The following SLIT3 variants were observed in gnomAD, a reference collection of about 807,000 sequenced individuals.
SLIT3 encodes the protein slit homolog 3 protein.
A neutral mutation model predicts 184.0 loss-of-function variants in SLIT3; 68 were observed. That is an observed-to-expected ratio of 0.37 (90% CI 0.30 to 0.45). The LOEUF (loss-of-function observed/expected upper bound fraction) is 0.45, where lower values mean the gene tolerates loss of function less well. SLIT3 is among the 20% of genes least tolerant of loss of function. SLIT3 has a pLI of 1.00. For missense variants in SLIT3, 1,707 were observed against 2,026.0 expected, an observed-to-expected ratio of 0.84 and a Z score of 3.02; for synonymous variants, 831 against 828.6, an observed-to-expected ratio of 1.00 and a Z score of -0.05.
Position 168,932,590 on chromosome 5 carries a change from C to T in SLIT3, c.414-49254G>A, listed in dbSNP as rs183748997. ...GGTAGATAGTATAGATAAGCGACTG[C>T]CCAGGGACACCCCGTGGGGCAGCCT... is the stretch of plus-strand genomic sequence containing the variant. On this transcript the variant is annotated intron_variant, in intron 4 of 35. Transcript: ENST00000519560. Among the ~76,000 whole-genome samples, 673 of 152,240 alleles carry T rather than the reference C, an allele frequency of 4.4e-3. 3 individuals are homozygous for T. Among genetic ancestry groups the T allele is most frequent in the African/African-American group, 0.015 (636 of 41,532 alleles).
chr5:168,687,606 A>G (rs1761786014), intron 29 of SLIT3, among the ~76,000 whole-genome samples: 1 of 152,228 alleles, frequency 6.6e-6, no homozygotes, highest in Non-Finnish European at 1.5e-5. Flanking sequence ...CTTGCGTGTC[A>G]TAAACTGTTC....
chr5:168,762,444 A>C (rs980775157), intron 15 of SLIT3, 95 bp downstream of exon 15: 31 of 1,359,568 alleles, frequency 2.3e-5, no homozygotes, highest in Non-Finnish European at 3.1e-5. Flanking sequence ...TGACTGAGCC[A>C]GGAAGGGGTC....
At chr5:168,894,339 T>C (rs1760579183) in intron 4 of SLIT3, among the ~76,000 whole-genome samples, 1 of 152,230 alleles carries the variant, frequency 6.6e-6, no homozygotes, top group Non-Finnish European at 1.5e-5. Context: ...TGAGGCCTGA[T>C]GCATAGCTTT....
chr5:169,161,744 G>A (rs1762486378), intron 4 of SLIT3, among the ~76,000 whole-genome samples: 2 of 151,938 alleles, frequency 1.3e-5, no homozygotes, highest in African/African-American at 4.8e-5. Context: ...GTGTAACCTG[G>A]GAATGGGGAA....
chr5:168,784,345 C>T (rs972839658), intron 12 of SLIT3, among the ~76,000 whole-genome samples: 1 of 152,162 alleles, frequency 6.6e-6, no homozygotes, highest in Admixed American at 6.5e-5. Flanking sequence ...CCTTAAAAGC[C>T]CACCAAAGGC....
At chr5:168,713,700 TCAGCTGA>T (rs1460735684) in intron 23 of SLIT3, among the ~76,000 whole-genome samples, 1 of 152,236 alleles carries the variant, frequency 6.6e-6, no homozygotes, top group Non-Finnish European at 1.5e-5. Context: ...CCCTTGGTCT[TCAGCTGA>T]CAGAGACATG....
intron 10 of SLIT3, chr5:168,790,269 T>C (rs1295283563): frequency 6.6e-6 from 1 of 152,416 alleles, no homozygotes; most frequent in Admixed American, 6.5e-5. Context: ...GGCAGTGTGT[T>C]CCTCATCTGG....
chr5:169,209,385 C>G (rs941364975), intron 3 of SLIT3, among the ~76,000 whole-genome samples: 1 of 152,282 alleles, frequency 6.6e-6, no homozygotes, highest in Non-Finnish European at 1.5e-5. Flanking sequence ...TTGTGGAAGA[C>G]AATGTGGCGA....
intron 4 of SLIT3, among the ~76,000 whole-genome samples, chr5:169,146,006 G>A (rs1214207091): frequency 2.0e-5 from 3 of 152,048 alleles, no homozygotes; most frequent in Admixed American, 6.5e-5. Flanking sequence ...AGCCGAGATC[G>A]CACCACTCCA....
In SLIT3 at chr5:168,678,974, T is replaced by C. The variant is rs370434843; in HGVS notation, c.3686+4992A>G. Reference sequence around the variant, plus strand: ...AAGTGGGAGGTGGAGAGCTCTGGAGTTGTCAGGGTGGGGCTGGACGCATCC... The same window carrying C: ...AAGTGGGAGGTGGAGAGCTCTGGAGCTGTCAGGGTGGGGCTGGACGCATCC... On this transcript the variant is annotated intron_variant, in intron 32 of 35. Coordinates refer to ENST00000519560, the MANE Select transcript of SLIT3 (RefSeq NM_003062.4). Among the ~76,000 whole-genome samples the C allele has an allele frequency of 3.5e-3, 526 of 152,200 alleles. 4 individuals are homozygous for C. Among genetic ancestry groups the C allele is most frequent in the African/African-American group, 0.012 (488 of 41,546 alleles).
chr5:169,179,165 T>C (rs1369819149), intron 4 of SLIT3, among the ~76,000 whole-genome samples: 1 of 152,120 alleles, frequency 6.6e-6, no homozygotes, highest in East Asian at 1.9e-4. Flanking sequence ...TCTGGACTAA[T>C]TCACCAGAGG....
At chr5:168,709,831 G>GTT (rs552127988) in intron 25 of SLIT3, among the ~76,000 whole-genome samples, 9 of 145,400 alleles carry the variant, frequency 6.2e-5, no homozygotes, top group African/African-American at 2.2e-4. Flanking sequence ...AATAAAAGGA[G>GTT]TTTTTTTTTT....
chr5:168,905,046 G>A (rs1488181704), intron 4 of SLIT3, among the ~76,000 whole-genome samples: 6 of 151,984 alleles, frequency 3.9e-5, no homozygotes, highest in South Asian at 2.1e-4. Context: ...GCGTGGCAGC[G>A]TGCACCTGTA....
At chr5:168,672,420 A>C (rs1761282910) in intron 33 of SLIT3, among the ~76,000 whole-genome samples, 2 of 152,184 alleles carry the variant, frequency 1.3e-5, no homozygotes, top group African/African-American at 4.8e-5. Flanking sequence ...GAGAACTATC[A>C]GTGCAGGGGC....
At chr5:168,754,276 G>A (rs1263793786) in intron 16 of SLIT3, among the ~76,000 whole-genome samples, 2 of 152,166 alleles carry the variant, frequency 1.3e-5, no homozygotes, top group Admixed American at 6.5e-5. Flanking sequence ...AAAATGTGGT[G>A]TATATATGCA....
intron 4 of SLIT3, among the ~76,000 whole-genome samples, chr5:169,044,711 T>G (rs1280134811): frequency 6.6e-6 from 1 of 152,148 alleles, no homozygotes; most frequent in Non-Finnish European, 1.5e-5. Context: ...AAGCACTGAA[T>G]GATATAATTT....
chr5:168,812,333 A>G (rs1757185465), intron 8 of SLIT3, among the ~76,000 whole-genome samples: 1 of 152,182 alleles, frequency 6.6e-6, no homozygotes, highest in African/African-American at 2.4e-5. Context: ...GCATATTTCA[A>G]AATAACTAGA....
intron 12 of SLIT3, 130 bp downstream of exon 12, chr5:168,785,777 C>G (rs1756130986): frequency 1.0e-5 from 7 of 678,494 alleles, no homozygotes; most frequent in East Asian, 5.2e-5. Flanking sequence ...GAAGCGTGGA[C>G]AGCTCAAACA....
chr5:168,931,216 G>T (rs777943252), intron 4 of SLIT3, among the ~76,000 whole-genome samples: 6 of 152,206 alleles, frequency 3.9e-5, no homozygotes, highest in Non-Finnish European at 8.8e-5. Context: ...AAAAGAGAAA[G>T]AACGCATTTA....
Sources: allele counts gnomAD v4.1 joint callset (sites outside exome capture counted in the v4.1 genomes callset), GRCh38; gene constraint gnomAD v4.1.1; transcripts MANE v1.5; gene names NCBI Gene and HGNC (gene_info 2026-07-23, HGNC 2026-07-21).